ASH1L: variants seen among roughly 807,000 people sequenced by gnomAD.
ASH1L encodes histone-lysine N-methyltransferase ASH1L.
In ASH1L, 23 loss-of-function variants were observed where a neutral mutation model predicts 269.0. The observed-to-expected ratio is 0.09, with a 90% CI of 0.06 to 0.12. ASH1L has a LOEUF of 0.12. Among genes scored for constraint, ASH1L ranks in the 10% least tolerant of loss-of-function variants. The pLI is 1.00. For synonymous variants in ASH1L, 1,187 were observed against 1,253.5 expected (o/e 0.95, Z 1.12); for missense variants, 2,912 against 3,567.8 (o/e 0.82, Z 4.68).
Position 155,562,420 on chromosome 1 carries a change from G to A in ASH1L, c.-367C>T, listed in dbSNP as rs1444819890. 1.3e-6 allele frequency: 2 copies of A among 1,482,086 alleles called. No homozygotes were observed. The highest frequency in any genetic ancestry group is 1.4e-5 in the African/African-American group (1 of 71,656). The allele number at this position is 1,482,086 out of a possible 1,614,324, so 91.8% of individuals were successfully genotyped here. On this transcript the variant is annotated 5_prime_UTR_variant, in exon 1 of 28. Coordinates refer to ENST00000392403, the MANE Select transcript of ASH1L (RefSeq NM_018489.3). ...TCCGCAAAGCGAACCCAAAATGGCG[G>A]CGGGAGCGGCGGCGGCGGCGGCGGC...
At chr1:155,507,276 G>A (rs1448548745) in intron 2 of ASH1L, among the ~76,000 whole-genome samples, 9 of 141,366 alleles carry the variant, frequency 6.4e-5, no homozygotes, top group South Asian at 2.3e-4. Context: ...GCGAAACTCC[G>A]TCTCAAAAAA....
intron 1 of ASH1L, among the ~76,000 whole-genome samples, chr1:155,545,826 G>C (rs1670772901): frequency 1.3e-5 from 2 of 151,998 alleles, no homozygotes; most frequent in African/African-American, 4.8e-5. Flanking sequence ...TTTGAGACCA[G>C]CCTGGCCAAC....
chr1:155,354,533 A>G lies in ASH1L; in HGVS notation c.7153T>C (p.Ser2385Pro). The G allele has an allele frequency of 6.2e-7, 1 of 1,614,014 alleles. No homozygotes were observed. The highest frequency in any genetic ancestry group is 2.2e-5 in the East Asian group (1 of 44,886). Reference sequence around the variant, plus strand: ...TTCCAACGGGTATATAATGATGCTGAGTGAATATTATCACTGGTGTGCTTT... The same window carrying G: ...TTCCAACGGGTATATAATGATGCTGGGTGAATATTATCACTGGTGTGCTTT... ...EVKHTSDNIH[S>P]ASLYTRWNGI... Residue 2385 changes from serine to proline, a missense_variant, in exon 16 of 28, where the codon TCA becomes CCA. Physicochemically the swap from Ser to Pro is moderately conservative, Grantham distance 74. Coordinates refer to ENST00000392403, the MANE Select transcript of ASH1L (RefSeq NM_018489.3).
chr1:155,542,009 T>C (rs139432388), intron 1 of ASH1L, among the ~76,000 whole-genome samples: 13 of 152,214 alleles, frequency 8.5e-5, no homozygotes, highest in African/African-American at 2.6e-4. Context: ...ATGGAAAAAT[T>C]ATACTCAGAC....
At chr1:155,352,652 A>C (rs1558023100) in intron 17 of ASH1L, 54 bp downstream of exon 17, 2 of 1,518,582 alleles carry the variant, frequency 1.3e-6, no homozygotes, top group Non-Finnish European at 1.8e-6. Flanking sequence ...TTATTTAAAA[A>C]AAAAAGAAAA....
Position 155,480,957 on chromosome 1 carries a change from G to C in ASH1L, c.1913C>G (p.Thr638Ser), listed in dbSNP as rs1665913597. Residue 638 changes from threonine to serine, a missense_variant, in exon 3 of 28, where the codon ACT becomes AGT. Transcript: ENST00000392403. ...TATTCTTGGAATATCTATATGGGTA[G>C]TTTTTGAATCATTTACCTCTTTATC... ...GIDKEVNDSK[T>S]THIDIPRISS... is the part of the protein sequence containing the mutation. 6.2e-7 allele frequency: 1 copy of C among 1,613,992 alleles called. No homozygotes were observed. The highest frequency in any genetic ancestry group is 8.5e-7 in the Non-Finnish European group (1 of 1,179,940).
At chr1:155,547,706 A>G (rs1338878100) in intron 1 of ASH1L, among the ~76,000 whole-genome samples, 2 of 151,898 alleles carry the variant, frequency 1.3e-5, no homozygotes, top group African/African-American at 4.8e-5. Context: ...CAGGGCAACA[A>G]GAGTGAAACT....
chr1:155,425,510 C>T (rs1661077724), intron 5 of ASH1L, among the ~76,000 whole-genome samples: 1 of 150,158 alleles, frequency 6.7e-6, no homozygotes, highest in Non-Finnish European at 1.5e-5. Context: ...GCGATCTTGG[C>T]TCACTGCAAT....
chr1:155,399,259 C>T (rs1208714315), intron 6 of ASH1L, among the ~76,000 whole-genome samples: 2 of 152,144 alleles, frequency 1.3e-5, no homozygotes, highest in Non-Finnish European at 2.9e-5. Context: ...CAAAGGGTGG[C>T]CCTGGCCATA....
chr1:155,402,978 G>C (rs1658979576), intron 6 of ASH1L, among the ~76,000 whole-genome samples: 2 of 148,588 alleles, frequency 1.3e-5, no homozygotes, highest in Non-Finnish European at 3.0e-5. Flanking sequence ...AGGAGTTCAA[G>C]ACCAGCCTGG....
At chr1:155,354,777 T>C in intron 15 of ASH1L, 147 bp from the exon 16 acceptor site, 1 of 695,368 alleles carries the variant, frequency 1.4e-6, no homozygotes, top group East Asian at 2.9e-5. Flanking sequence ...TACTCAATTT[T>C]GTATCTTCAA....
At chr1:155,544,729 T>C (rs557380145) in intron 1 of ASH1L, among the ~76,000 whole-genome samples, 38 of 152,126 alleles carry the variant, frequency 2.5e-4, no homozygotes, top group African/African-American at 8.7e-4. Flanking sequence ...GGAGAAAATA[T>C]AAACATGAAA....
chr1:155,560,266 G>C (rs1245163523), intron 1 of ASH1L, among the ~76,000 whole-genome samples: 1 of 152,172 alleles, frequency 6.6e-6, no homozygotes, highest in Non-Finnish European at 1.5e-5. Context: ...TGAGGGCCCA[G>C]TGTCTTTCAT....
intron 5 of ASH1L, among the ~76,000 whole-genome samples, chr1:155,420,607 T>C (rs1262563405): frequency 2.7e-5 from 4 of 150,912 alleles, no homozygotes; most frequent in African/African-American, 9.7e-5. Context: ...TCCCAGCACT[T>C]TGGGAGGCCG....
chr1:155,423,730 CATTT>C (rs929537564), intron 5 of ASH1L, among the ~76,000 whole-genome samples: 4 of 152,070 alleles, frequency 2.6e-5, no homozygotes, highest in African/African-American at 7.2e-5. Context: ...ATGCTAGATT[CATTT>C]ATCTTTCTTC....
At chr1:155,340,427 C>T (rs141623032) in intron 25 of ASH1L, among the ~76,000 whole-genome samples, 3,160 of 152,118 alleles carry the variant, frequency 0.021, 106 homozygotes, top group African/African-American at 0.073. Context: ...GTGATCCACC[C>T]GCCTCAGCCT....
chr1:155,398,672 AG>A (rs2148492424), intron 6 of ASH1L, among the ~76,000 whole-genome samples: 1 of 152,282 alleles, frequency 6.6e-6, no homozygotes, highest in East Asian at 1.9e-4. Context: ...CCAAAATGCT[AG>A]GAAAGCTATG....
At chr1:155,551,646 C>G (rs1159309781) in intron 1 of ASH1L, among the ~76,000 whole-genome samples, 1 of 107,168 alleles carries the variant, frequency 9.3e-6, no homozygotes, top group Non-Finnish European at 1.8e-5. Context: ...GGCGACAGAG[C>G]GAGACTCCGT....
chr1:155,444,355 C>A (rs1294255206), intron 4 of ASH1L, among the ~76,000 whole-genome samples: 1 of 152,118 alleles, frequency 6.6e-6, no homozygotes, highest in Non-Finnish European at 1.5e-5. Context: ...ATAGTCCCAT[C>A]ATCAATGACT....
Sources: gnomAD v4.1 joint callset for allele counts (sites outside exome capture counted in the v4.1 genomes callset) on GRCh38, gnomAD v4.1.1 for gene constraint, MANE v1.5 for transcripts, NCBI Gene and HGNC (gene_info 2026-07-23, HGNC 2026-07-21) for gene names.